TP53BP1: variants seen among roughly 807,000 people sequenced by gnomAD.
TP53BP1 encodes TP53-binding protein 1.
In TP53BP1, 61 loss-of-function variants were observed where a neutral mutation model predicts 200.8. That is an observed-to-expected ratio of 0.30 (90% CI 0.25 to 0.38). The LOEUF (loss-of-function observed/expected upper bound fraction) is 0.38, where lower values mean the gene tolerates loss of function less well. Ranked by LOEUF, TP53BP1 falls within the 10% of genes least tolerant of loss-of-function variation. The pLI is 1.00. For synonymous variants in TP53BP1, 822 were observed against 844.3 expected, an observed-to-expected ratio of 0.97 and a Z score of 0.46; for missense variants, 2,144 against 2,371.9, an observed-to-expected ratio of 0.90 and a Z score of 2.00.
chr15:43,488,185 G>C (rs2079072371), intron 4 of TP53BP1, among the ~76,000 whole-genome samples: 1 of 151,994 alleles, frequency 6.6e-6, no homozygotes, highest in Non-Finnish European at 1.5e-5. Flanking sequence ...TGTCGTCTCA[G>C]CTACTTGCGA....
In TP53BP1 at chr15:43,492,978, C is replaced by A. The variant is rs933109756; in HGVS notation, c.7+59G>T. On this transcript the variant is annotated intron_variant, in intron 1 of 27. Coordinates refer to ENST00000382044, the MANE Select transcript of TP53BP1 (RefSeq NM_001141980.3). ...CGCCCCCTCCGGTCAGCCATCCCTT[C>A]AGACCCGAAATCCAGGCCTTCAGAG... The A allele has an allele frequency of 3.1e-6, 5 of 1,587,644 alleles. No individual in the cohort carries two copies. In the African/African-American group the frequency reaches 6.8e-5, roughly 22 times the overall value.
At position 43,456,220 on chromosome 15, in the gene TP53BP1, A is replaced by G; in HGVS notation, c.2388T>C (p.Ala796=). ...TCTCAGCACATGGTTCTATTTCTGG[A>G]GCAATATCCTCCCATGACTGGGAAT... ...CSDSQSWEDI[A]PEIEPCAENR... is the part of the protein sequence containing the mutation. Residue 796 remains alanine, a synonymous_variant, in exon 12 of 28, where the codon GCT becomes GCC. Transcript: ENST00000382044. The G allele has an allele frequency of 6.2e-7, 1 of 1,614,052 alleles. No homozygotes were observed.
rs763875198 is a variant in TP53BP1 at position 43,403,803 on chromosome 15, C to T, written c.*3580G>A. 1.0e-5 allele frequency: 16 copies of T among 1,607,402 alleles called. No individual in the cohort carries two copies. Among genetic ancestry groups the T allele is most frequent in the Middle Eastern group, 1.7e-4 (1 of 6,052 alleles). ...CCAGCTGAGCATTCTCGTGAAGGTG[C>T]GTCTGCCTGGAAGTATGCAGCCTTG... On this transcript the variant is annotated 3_prime_UTR_variant, in exon 28 of 28. Coordinates refer to ENST00000382044, the MANE Select transcript of TP53BP1 (RefSeq NM_001141980.3).
intron 16 of TP53BP1, among the ~76,000 whole-genome samples, chr15:43,437,072 T>C (rs929050772): frequency 3.3e-5 from 5 of 151,996 alleles, no homozygotes; most frequent in African/African-American, 7.3e-5. Context: ...GGCAGGAGGA[T>C]TGCTTGAGCC....
chr15:43,471,629 T>C (rs113933627), intron 10 of TP53BP1, among the ~76,000 whole-genome samples: 75 of 152,310 alleles, frequency 4.9e-4, no homozygotes, highest in African/African-American at 1.8e-3. Context: ...GGTTTCACCA[T>C]GGTGGCCAGG....
At chr15:43,421,232 A>G (rs2045389801) in intron 19 of TP53BP1, 58 bp from the exon 20 acceptor site, 12 of 1,578,894 alleles carry the variant, frequency 7.6e-6, no homozygotes, top group Non-Finnish European at 1.0e-5. Context: ...TTTCTTCACA[A>G]AGTCTCCCCT....
Position 43,404,043 on chromosome 15 carries a change from G to C in TP53BP1, c.*3340C>G. 1.8e-6 allele frequency: 1 copy of C among 545,644 alleles called. No homozygotes were observed. The allele number at this position is 545,644 out of a possible 1,614,324, so 33.8% of individuals were successfully genotyped here. On this transcript the variant is annotated 3_prime_UTR_variant, in exon 28 of 28. Transcript: ENST00000382044. The stretch of plus-strand genomic sequence containing the variant: ...TTATTCAGCCCATCAAATAAGCATT[G>C]GGTTGTTCTAACTTCCTCACATCCT...
chr15:43,498,026 TG>T (rs1270591568), upstream of TP53BP1, among the ~76,000 whole-genome samples: 2 of 152,110 alleles, frequency 1.3e-5, no homozygotes, highest in African/African-American at 4.8e-5. Context: ...TAGGTAACAG[TG>T]GGGTTGTAAT....
At chr15:43,498,148 A>G (rs935265438), upstream of TP53BP1, among the ~76,000 whole-genome samples, 1 of 152,188 alleles carries the variant, frequency 6.6e-6, no homozygotes, top group African/African-American at 2.4e-5. Flanking sequence ...ATTTTATTTT[A>G]TTCACTTTAT....
At chr15:43,479,562 T>C (rs544742414) in intron 6 of TP53BP1, 36 bp from the exon 7 acceptor site, 9 of 1,589,522 alleles carry the variant, frequency 5.7e-6, no homozygotes, top group Non-Finnish European at 7.7e-6. Context: ...AGGAGATAAT[T>C]AAGTTTTCAA....
intron 11 of TP53BP1, among the ~76,000 whole-genome samples, chr15:43,464,419 G>A (rs1595589604): frequency 6.6e-6 from 1 of 152,250 alleles, no homozygotes; most frequent in Middle Eastern, 3.4e-3. Flanking sequence ...TTAAAAGATG[G>A]TTGAACTGGG....
chr15:43,410,343 A>T (rs567781038), intron 24 of TP53BP1, among the ~76,000 whole-genome samples: 2 of 152,280 alleles, frequency 1.3e-5, no homozygotes, highest in African/African-American at 4.8e-5. Context: ...CAACCTTTTT[A>T]TTGAAAACTA....
chr15:43,494,416 A>G (rs1055505413), upstream of TP53BP1, among the ~76,000 whole-genome samples: 3 of 152,228 alleles, frequency 2.0e-5, no homozygotes, highest in African/African-American at 7.2e-5. Context: ...GTCTGAATAC[A>G]CGTTACTTAT....
Position 43,405,424 on chromosome 15 carries a change from CAT to C in TP53BP1, c.*1957_*1958del, listed in dbSNP as rs1371518350. Reference sequence around the variant, plus strand: ...GAAGGGTCTCTCCCATCAAGGAGAACATGTGGCATCTCTGATCCTTTACATTG... The same window carrying C: ...GAAGGGTCTCTCCCATCAAGGAGAACGTGGCATCTCTGATCCTTTACATTG... On this transcript the variant is annotated 3_prime_UTR_variant, in exon 28 of 28. Transcript: ENST00000382044. 6 of 605,144 alleles carry C rather than the reference CAT, an allele frequency of 9.9e-6. No individual in the cohort carries two copies. The highest frequency in any genetic ancestry group is 1.8e-5 in the Non-Finnish European group (6 of 340,190). The allele number at this position is 605,144 out of a possible 1,614,324, so 37.5% of individuals were successfully genotyped here.
In TP53BP1 at chr15:43,456,859, T is replaced by A. The variant is rs770920884; in HGVS notation, c.1749A>T (p.Gln583His). The A allele has an allele frequency of 6.2e-7, 1 of 1,614,058 alleles. No individual in the cohort carries two copies. The change falls in exon 12 of 28, where the codon CAA becomes CAT. Residue 583 changes from glutamine (Q) to histidine (H), a missense_variant. By Grantham distance (24) the Gln-to-His change is conservative. Around this residue, in one of 4 missense-constraint regions of TP53BP1, gnomAD observed 1,700 missense variants for 1,710.3 expected, o/e 0.99. Transcript: ENST00000382044. ...TTGTTTTGTCATCATTCTGACTCAG[T>A]TGTACTTCACCATCCTGTGCTGGAT... is the stretch of plus-strand genomic sequence containing the variant. Reference protein sequence around the residue: ...LMNPAQDGEVQLSQNDDKTKG... With the variant: ...LMNPAQDGEVHLSQNDDKTKG...
upstream of TP53BP1, chr15:43,497,674 G>C (rs961108647): frequency 6.4e-6 from 1 of 155,374 alleles, no homozygotes; most frequent in Admixed American, 6.5e-5. Flanking sequence ...ACCTAGAGTA[G>C]GCAAATTCAG....
intron 18 of TP53BP1, among the ~76,000 whole-genome samples, chr15:43,423,602 G>A (rs1011786881): frequency 2.6e-4 from 39 of 150,638 alleles, no homozygotes; most frequent in Non-Finnish European, 4.4e-5. Context: ...GAGCTGCAGT[G>A]AGCTAAGATT....
intron 14 of TP53BP1, among the ~76,000 whole-genome samples, chr15:43,445,232 C>T (rs547835330): frequency 6.6e-6 from 1 of 152,292 alleles, no homozygotes; most frequent in Non-Finnish European, 1.5e-5. Context: ...ACCCCAACTG[C>T]TGCACTGAAA....
chr15:43,444,199 C>G (rs1435221967), intron 14 of TP53BP1, among the ~76,000 whole-genome samples: 1 of 152,302 alleles, frequency 6.6e-6, no homozygotes, highest in South Asian at 2.1e-4. Context: ...TAACACTTCG[C>G]TAGTTGTAAT....
Sources: gnomAD v4.1 joint callset for allele counts (sites outside exome capture counted in the v4.1 genomes callset) on GRCh38, gnomAD v4.1.1 for gene constraint, gnomAD v4.1.1 regional missense constraint, MANE v1.5 for transcripts, NCBI Gene and HGNC (gene_info 2026-07-23, HGNC 2026-07-21) for gene names.